Variants in SMC6 observed in about 807,000 individuals in gnomAD.
SMC6 encodes the protein structural maintenance of chromosomes 6, also known as structural maintenance of chromosomes protein 6.
SMC6 carries 79 observed loss-of-function variants against 142.2 expected under a neutral mutation model. The observed-to-expected ratio is 0.56, with a 90% CI of 0.46 to 0.67. The LOEUF (loss-of-function observed/expected upper bound fraction) is 0.67, where lower values mean the gene tolerates loss of function less well. Among genes scored for constraint, SMC6 ranks in the 30% least tolerant of loss-of-function variants. The pLI, the probability that SMC6 is intolerant of heterozygous loss-of-function variation, is 0.00. For missense variants in SMC6, 1,072 were observed against 1,284.0 expected, an observed-to-expected ratio of 0.83 and a Z score of 2.52; for synonymous variants, 411 against 412.4, an observed-to-expected ratio of 1.00 and a Z score of 0.04.
intron 23 of SMC6, among the ~76,000 whole-genome samples, chr2:17,687,850 A>G (rs1298433602): frequency 6.6e-6 from 1 of 152,236 alleles, no homozygotes; most frequent in East Asian, 1.9e-4. Flanking sequence ...ACAACAATAA[A>G]GAAAAACCTA....
chr2:17,737,128 AAAT>A (rs909157663), intron 5 of SMC6, among the ~76,000 whole-genome samples: 5 of 152,184 alleles, frequency 3.3e-5, no homozygotes, highest in African/African-American at 1.2e-4. Flanking sequence ...AGGGCATGGG[AAAT>A]AATCTTCTGT....
Position 17,703,291 on chromosome 2 carries a change from C to T in SMC6, c.2008G>A (p.Asp670Asn). 6.3e-7 allele frequency: 1 copy of T among 1,598,428 alleles called. No individual in the cohort carries two copies. Among genetic ancestry groups the T allele is most frequent in the Non-Finnish European group, 8.5e-7 (1 of 1,174,818 alleles). ...LSRDVDSEIS[D>N]LENEVENKTA... Reference sequence around the variant, plus strand: ...TTATTTTCAACCTCATTCTCCAAGTCACTTGATAGGAAAGGAGAAGATAGA... The same window carrying T: ...TTATTTTCAACCTCATTCTCCAAGTTACTTGATAGGAAAGGAGAAGATAGA... Residue 670 changes from aspartate (D) to asparagine (N), a missense_variant and splice_region_variant, in exon 19 of 28, where the codon GAC becomes AAC. This residue lies in a region of SMC6 where 994 missense variants were observed against 1,153.2 expected (regional missense o/e 0.86). Coordinates refer to ENST00000448223, the MANE Select transcript of SMC6 (RefSeq NM_001142286.2).
At chr2:17,701,023 C>T (rs1668244939) in intron 20 of SMC6, among the ~76,000 whole-genome samples, 1 of 121,510 alleles carries the variant, frequency 8.2e-6, no homozygotes, top group Non-Finnish European at 1.7e-5. Context: ...AAGAGTGATA[C>T]TCCGTCTCAA....
intron 18 of SMC6, among the ~76,000 whole-genome samples, chr2:17,706,007 T>C (rs1157040229): frequency 6.6e-6 from 1 of 152,192 alleles, no homozygotes; most frequent in Non-Finnish European, 1.5e-5. Flanking sequence ...TCATTTATAG[T>C]CTATCTTCCC....
intron 4 of SMC6, among the ~76,000 whole-genome samples, chr2:17,739,851 C>G (rs1320410331): frequency 3.5e-5 from 5 of 144,386 alleles, no homozygotes; most frequent in East Asian, 2.1e-4. Flanking sequence ...CACAGACACA[C>G]ACACACACAC....
intron 5 of SMC6, among the ~76,000 whole-genome samples, chr2:17,734,817 C>T (rs755096982): frequency 3.9e-5 from 6 of 151,980 alleles, no homozygotes; most frequent in African/African-American, 9.7e-5. Context: ...CTGCAATCTC[C>T]GCCTCCCAGG....
At chr2:17,675,768 C>T (rs1305332795) in intron 25 of SMC6, among the ~76,000 whole-genome samples, 1 of 152,046 alleles carries the variant, frequency 6.6e-6, no homozygotes, top group African/African-American at 2.4e-5. Flanking sequence ...TCTCTTGCTA[C>T]TTACAAAAAG....
At chr2:17,684,249 A>G (rs1186364120) in intron 23 of SMC6, among the ~76,000 whole-genome samples, 1 of 152,200 alleles carries the variant, frequency 6.6e-6, no homozygotes, top group Non-Finnish European at 1.5e-5. Context: ...TACAAAAGGC[A>G]ACAGCCTATT....
intron 7 of SMC6, 129 bp from the exon 8 acceptor site, chr2:17,726,598 A>G: frequency 1.6e-6 from 1 of 622,718 alleles, no homozygotes; most frequent in Non-Finnish European, 2.8e-6. Context: ...AAAGGTTATA[A>G]CGTTAGGATA....
intron 23 of SMC6, among the ~76,000 whole-genome samples, chr2:17,692,108 A>G (rs1667761053): frequency 6.6e-6 from 1 of 152,210 alleles, no homozygotes; most frequent in African/African-American, 2.4e-5. Context: ...AAGAATCAAT[A>G]TCGTGAAAAT....
chr2:17,743,289 T>C (rs542331317), intron 3 of SMC6, among the ~76,000 whole-genome samples: 19 of 152,318 alleles, frequency 1.2e-4, no homozygotes, highest in Admixed American at 7.2e-4. Context: ...TATATTGAGC[T>C]GTCTAATCCG....
chr2:17,681,401 A>G (rs1285499956), intron 24 of SMC6: 2 of 152,332 alleles, frequency 1.3e-5, no homozygotes, highest in African/African-American at 4.8e-5. Context: ...TGCATTTACA[A>G]CTTGGCTAAC....
chr2:17,724,148 A>G (rs1316528763), intron 9 of SMC6, among the ~76,000 whole-genome samples: 2 of 145,042 alleles, frequency 1.4e-5, no homozygotes, highest in Non-Finnish European at 2.9e-5. Flanking sequence ...TAGTAGGTAC[A>G]GTTTGTTTGA....
intron 26 of SMC6, among the ~76,000 whole-genome samples, chr2:17,669,274 A>T (rs530589884): frequency 4.5e-4 from 68 of 152,274 alleles, no homozygotes; most frequent in African/African-American, 1.6e-3. Context: ...GGGCTGCTGA[A>T]TTTCAGATAT....
At chr2:17,671,978 CAAGT>C (rs1201163793) in intron 25 of SMC6, among the ~76,000 whole-genome samples, 1 of 151,964 alleles carries the variant, frequency 6.6e-6, no homozygotes, top group African/African-American at 2.4e-5. Context: ...ATACTGCTCT[CAAGT>C]GAGCATTCAT....
chr2:17,675,236 T>C (rs1666946976), intron 25 of SMC6, among the ~76,000 whole-genome samples: 1 of 152,142 alleles, frequency 6.6e-6, no homozygotes, highest in South Asian at 2.1e-4. Context: ...AAATTAGTAT[T>C]GGTATTACTT....
At chr2:17,702,329 G>T (rs965787521) in intron 19 of SMC6, among the ~76,000 whole-genome samples, 2 of 152,078 alleles carry the variant, frequency 1.3e-5, no homozygotes, top group Admixed American at 6.6e-5. Context: ...AAAACAATTA[G>T]ACATTATTTG....
chr2:17,693,265 G>A lies in SMC6; in HGVS notation c.2678+1887C>T, dbSNP rs144852492. Among the ~76,000 whole-genome samples, 291 of 152,044 alleles carry A rather than the reference G, an allele frequency of 1.9e-3. 6 individuals carry two copies. The East Asian group carries it at 0.047, about 25-fold the overall frequency. ...ACACATGCACATGTATGTTTATTGC[G>A]GCACTATTCACAATAGCAAAGACCT... On this transcript the variant is annotated intron_variant, in intron 23 of 27. Transcript: ENST00000448223.
Position 17,741,997 on chromosome 2 carries a change from A to C in SMC6, c.121-268T>G, listed in dbSNP as rs543198798. On this transcript the variant is annotated intron_variant, in intron 3 of 27. Transcript: ENST00000448223. ...ACTTTGGGTCTGATAATTTTTTGTT[A>C]GTGGAGGGGGTTTGTCTTGTGCATT... Among the ~76,000 whole-genome samples the C allele has an allele frequency of 8.5e-5, 13 of 152,286 alleles. No individual in the cohort carries two copies. The South Asian group carries it at 2.7e-3, about 32-fold the overall frequency.
Sources: gnomAD v4.1 joint callset for allele counts (sites outside exome capture counted in the v4.1 genomes callset) on GRCh38, gnomAD v4.1.1 for gene constraint, gnomAD v4.1.1 regional missense constraint, MANE v1.5 for transcripts, NCBI Gene and HGNC (gene_info 2026-07-23, HGNC 2026-07-21) for gene names.